The following KLF12 variants were observed in gnomAD, a reference collection of about 807,000 sequenced individuals.
The protein encoded by KLF12 is KLF transcription factor 12, also known as Krueppel-like factor 12.
A neutral mutation model predicts 37.8 loss-of-function variants in KLF12; 9 were observed. The ratio of observed to expected loss-of-function variants is 0.24; its 90% CI spans 0.14 to 0.42. KLF12 has a LOEUF of 0.42. Ranked by LOEUF, KLF12 falls within the 10% of genes least tolerant of loss-of-function variation. KLF12 has a pLI of 1.00. For synonymous variants in KLF12, 208 were observed against 202.1 expected (o/e 1.03, Z -0.25); for missense variants, 411 against 516.0 (o/e 0.80, Z 1.97).
chr13:74,134,869 G>A (rs1028239968), upstream of KLF12, among the ~76,000 whole-genome samples: 1 of 152,052 alleles, frequency 6.6e-6, no homozygotes, highest in Non-Finnish European at 1.5e-5. Flanking sequence ...GCGCGCAGTG[G>A]AGGGAGGGGG....
chr13:74,248,015 T>C, the KLF12 span, among the ~76,000 whole-genome samples: 1 of 152,228 alleles, frequency 6.6e-6, no homozygotes, highest in African/African-American at 2.4e-5. Context: ...AATGCTATTA[T>C]GAACTTAACT....
intron 1 of KLF12, among the ~76,000 whole-genome samples, chr13:74,006,008 A>G (rs1471442860): frequency 6.6e-6 from 1 of 152,128 alleles, no homozygotes; most frequent in Admixed American, 6.5e-5. Context: ...ACTCTCCTCC[A>G]GCATAGAAGT....
At chr13:74,056,803 A>C (rs1167906398) in intron 1 of KLF12, among the ~76,000 whole-genome samples, 1 of 152,234 alleles carries the variant, frequency 6.6e-6, no homozygotes, top group Non-Finnish European at 1.5e-5. Context: ...TTTAAGAGCC[A>C]TGTCTGCCTT....
At chr13:73,941,086 A>T (rs1454558919) in intron 3 of KLF12, among the ~76,000 whole-genome samples, 4 of 152,226 alleles carry the variant, frequency 2.6e-5, no homozygotes, top group African/African-American at 9.6e-5. Context: ...AAAGATTGAG[A>T]TTAGTATCTA....
chr13:74,120,224 G>T (rs893218879), intron 1 of KLF12, among the ~76,000 whole-genome samples: 2 of 152,220 alleles, frequency 1.3e-5, no homozygotes, highest in African/African-American at 4.8e-5. Context: ...GCTCATGCCT[G>T]TAATCCCAGC....
At chr13:74,223,829 G>C in the KLF12 span, among the ~76,000 whole-genome samples, 2 of 152,116 alleles carry the variant, frequency 1.3e-5, no homozygotes, top group Non-Finnish European at 2.9e-5. Flanking sequence ...GGCTTCCATA[G>C]CCCCATGGGT....
At chr13:73,905,003 T>G (rs1319723029) in intron 3 of KLF12, among the ~76,000 whole-genome samples, 1 of 151,942 alleles carries the variant, frequency 6.6e-6, no homozygotes, top group Admixed American at 6.6e-5. Flanking sequence ...GTAATTTCAA[T>G]TTTATAGCTT....
intron 1 of KLF12, among the ~76,000 whole-genome samples, chr13:74,104,917 G>C (rs559339396): frequency 6.6e-6 from 1 of 152,072 alleles, no homozygotes; most frequent in Non-Finnish European, 1.5e-5. Flanking sequence ...TGTATAAGTG[G>C]GCCTGTACAC....
Position 73,746,653 on chromosome 13 carries a change from T to C in KLF12, c.869+18285A>G, listed in dbSNP as rs1878389984. On this transcript the variant is annotated intron_variant, in intron 6 of 7. Coordinates refer to ENST00000377669, the MANE Select transcript of KLF12 (RefSeq NM_007249.5). ...ATATGTCAGACTTTCAATTAGCTCA[T>C]TATTTTAATTGAGTGAAGTTTGATA... Among the ~76,000 whole-genome samples the C allele has an allele frequency of 3.3e-5, 5 of 152,160 alleles. No individual in the cohort carries two copies. In the South Asian group the frequency reaches 8.3e-4, roughly 25 times the overall value.
At chr13:73,774,583 T>C (rs1234769488) in intron 5 of KLF12, among the ~76,000 whole-genome samples, 2 of 152,190 alleles carry the variant, frequency 1.3e-5, no homozygotes, top group Non-Finnish European at 2.9e-5. Context: ...CGAGCAACGA[T>C]AATTTATCGG....
At chr13:73,947,086 T>C (rs1206148907) in intron 2 of KLF12, among the ~76,000 whole-genome samples, 4 of 152,236 alleles carry the variant, frequency 2.6e-5, no homozygotes, top group African/African-American at 9.6e-5. Flanking sequence ...AAAACACATT[T>C]GCTGTGGAAT....
the KLF12 span, among the ~76,000 whole-genome samples, chr13:74,265,252 T>A: frequency 6.6e-6 from 1 of 152,154 alleles, no homozygotes; most frequent in Admixed American, 6.6e-5. Flanking sequence ...AAAGATCCTA[T>A]GATTGAGAAG....
intron 3 of KLF12, among the ~76,000 whole-genome samples, chr13:73,912,725 T>G (rs1415856404): frequency 2.0e-5 from 3 of 152,226 alleles, no homozygotes; most frequent in Non-Finnish European, 4.4e-5. Context: ...TTTGTGGTCA[T>G]TTGTTAAGGC....
intron 5 of KLF12, among the ~76,000 whole-genome samples, chr13:73,765,951 T>C (rs1268655393): frequency 1.4e-5 from 2 of 148,114 alleles, no homozygotes; most frequent in Non-Finnish European, 2.9e-5. Flanking sequence ...GAAACCCAGT[T>C]CTCTGTAGTT....
At chr13:73,761,728 G>A (rs1226319628) in intron 6 of KLF12, among the ~76,000 whole-genome samples, 1 of 152,092 alleles carries the variant, frequency 6.6e-6, no homozygotes, top group Non-Finnish European at 1.5e-5. Context: ...TTGTTAATCT[G>A]TCTTTTGTCA....
intron 3 of KLF12, among the ~76,000 whole-genome samples, chr13:73,908,814 T>C (rs1231782167): frequency 1.3e-5 from 2 of 152,136 alleles, no homozygotes; most frequent in Admixed American, 6.6e-5. Context: ...TCACCACTGA[T>C]ATTTAGTTGT....
At chr13:74,179,522 G>A in the KLF12 span, among the ~76,000 whole-genome samples, 316 of 152,250 alleles carry the variant, frequency 2.1e-3, 4 homozygotes, top group African/African-American at 7.4e-3. Flanking sequence ...GTATAATTTT[G>A]CCTGGAGATG....
At chr13:73,796,335 TAACTA>T (rs1232015887) in intron 5 of KLF12, among the ~76,000 whole-genome samples, 1 of 151,648 alleles carries the variant, frequency 6.6e-6, no homozygotes, top group Non-Finnish European at 1.5e-5. Context: ...GTCCTTTTCA[TAACTA>T]AACTAGATCT....
intron 3 of KLF12, among the ~76,000 whole-genome samples, chr13:73,929,633 G>A (rs1889572885): frequency 6.6e-6 from 1 of 152,134 alleles, no homozygotes; most frequent in Admixed American, 6.5e-5. Context: ...AATCAGCCAG[G>A]AACAACATGG....
Sources: allele counts gnomAD v4.1 joint callset (sites outside exome capture counted in the v4.1 genomes callset), GRCh38; gene constraint gnomAD v4.1.1; transcripts MANE v1.5; gene names NCBI Gene and HGNC (gene_info 2026-07-23, HGNC 2026-07-21).